ATP8A2: variants seen among roughly 807,000 people sequenced by gnomAD.
The protein encoded by ATP8A2 is phospholipid-transporting ATPase IB.
In ATP8A2, 100 loss-of-function variants were observed where a neutral mutation model predicts 165.6. The observed-to-expected ratio is 0.60, with a 90% CI of 0.51 to 0.71. ATP8A2 has a LOEUF of 0.71. ATP8A2 is among the 30% of genes least tolerant of loss of function. ATP8A2 has a pLI of 0.00. For synonymous variants in ATP8A2, 543 were observed against 548.8 expected (o/e 0.99, Z 0.15); for missense variants, 1,227 against 1,479.5 (o/e 0.83, Z 2.80).
intron 1 of ATP8A2, among the ~76,000 whole-genome samples, chr13:25,436,067 CT>C (rs558553129): frequency 0.032 from 4,601 of 142,076 alleles, 89 homozygotes; most frequent in African/African-American, 0.049. Flanking sequence ...AAAGCTTCAT[CT>C]TTTTTTTTTT....
intron 24 of ATP8A2, among the ~76,000 whole-genome samples, chr13:25,673,500 T>C (rs1179916096): frequency 2.6e-5 from 4 of 152,224 alleles, no homozygotes; most frequent in Non-Finnish European, 4.4e-5. Context: ...GTCAAACATA[T>C]TTTAACAAAT....
chr13:25,698,194 C>T (rs954146563), intron 24 of ATP8A2, among the ~76,000 whole-genome samples: 2 of 150,446 alleles, frequency 1.3e-5, no homozygotes, highest in Non-Finnish European at 2.9e-5. Context: ...TGTTCATAGT[C>T]ATAAATTCAC....
intron 2 of ATP8A2, among the ~76,000 whole-genome samples, chr13:25,480,207 C>T (rs1239850517): frequency 1.3e-5 from 2 of 150,236 alleles, no homozygotes; most frequent in African/African-American, 2.5e-5. Context: ...AGTGGCTGGC[C>T]GGGCAGAGGG....
chr13:25,569,899 T>G (rs1028882033), intron 16 of ATP8A2, among the ~76,000 whole-genome samples: 1 of 152,160 alleles, frequency 6.6e-6, no homozygotes, highest in African/African-American at 2.4e-5. Context: ...CTGAAATAAT[T>G]TTTGAGCAAA....
Position 25,983,649 on chromosome 13 carries a change from C to T in ATP8A2, c.3377+14970C>T, listed in dbSNP as rs182673505. 2.2e-3 allele frequency among the ~76,000 whole-genome samples: 335 copies of T among 152,236 alleles called. 1 individual carries two copies. Among genetic ancestry groups the T allele is most frequent in the Non-Finnish European group, 3.1e-3 (210 of 68,030 alleles). ...TTCTGAGAACTTTCCAGGCATGGTT[C>T]CTTTCTTGTAGTTGTGAACTTAAAG... is the stretch of plus-strand genomic sequence containing the variant. On this transcript the variant is annotated intron_variant, in intron 35 of 36. Transcript: ENST00000381655.
At chr13:25,487,114 A>G (rs1010478681) in intron 2 of ATP8A2, among the ~76,000 whole-genome samples, 4 of 152,160 alleles carry the variant, frequency 2.6e-5, no homozygotes, top group Non-Finnish European at 5.9e-5. Flanking sequence ...CCTTTTTGCC[A>G]AGGTTTATGT....
chr13:25,435,322 T>C (rs929427343), intron 1 of ATP8A2, among the ~76,000 whole-genome samples: 2 of 152,038 alleles, frequency 1.3e-5, no homozygotes, highest in Non-Finnish European at 2.9e-5. Flanking sequence ...GGTTTCACCA[T>C]GTTGGTCAGG....
chr13:25,949,831 G>A (rs779093652), intron 33 of ATP8A2, among the ~76,000 whole-genome samples: 1 of 152,070 alleles, frequency 6.6e-6, no homozygotes, highest in Non-Finnish European at 1.5e-5. Context: ...ACAGGGTCTC[G>A]CTCTGTCACC....
At chr13:25,837,068 T>C (rs1951632026) in intron 28 of ATP8A2, 95 bp from the exon 29 acceptor site, 1 of 1,495,950 alleles carries the variant, frequency 6.7e-7, no homozygotes, top group Non-Finnish European at 9.0e-7. Flanking sequence ...AGGTTTGGAC[T>C]TGACTGGAAG....
At chr13:25,966,525 A>T (rs1327135765) in intron 34 of ATP8A2, among the ~76,000 whole-genome samples, 1 of 152,234 alleles carries the variant, frequency 6.6e-6, no homozygotes, top group African/African-American at 2.4e-5. Context: ...TGTTAAATGC[A>T]TGCAGAAAGA....
chr13:25,573,370 G>A (rs911871722), intron 18 of ATP8A2, among the ~76,000 whole-genome samples: 5 of 152,012 alleles, frequency 3.3e-5, no homozygotes, highest in African/African-American at 1.2e-4. Flanking sequence ...ATGCTGCATT[G>A]ACACCTCTTT....
At chr13:25,725,309 G>C (rs1229222839) in intron 25 of ATP8A2, among the ~76,000 whole-genome samples, 1 of 152,238 alleles carries the variant, frequency 6.6e-6, no homozygotes, top group Admixed American at 6.5e-5. Context: ...GGCAAAGCCT[G>C]AGTGAGGCGC....
At chr13:25,651,839 A>G (rs999176545) in intron 24 of ATP8A2, among the ~76,000 whole-genome samples, 1 of 152,114 alleles carries the variant, frequency 6.6e-6, no homozygotes, top group African/African-American at 2.4e-5. Context: ...CTTGGTTATA[A>G]ATAATTATCT....
intron 1 of ATP8A2, among the ~76,000 whole-genome samples, chr13:25,386,018 C>T (rs561104560): frequency 1.5e-4 from 22 of 151,620 alleles, no homozygotes; most frequent in Non-Finnish European, 2.1e-4. Context: ...TGGGTTCTAG[C>T]GATTCTCCTG....
At chr13:25,456,229 T>G (rs2035360653) in intron 1 of ATP8A2, among the ~76,000 whole-genome samples, 1 of 152,240 alleles carries the variant, frequency 6.6e-6, no homozygotes, top group South Asian at 2.1e-4. Context: ...TTTCCCCAGC[T>G]GGAAGTACTC....
At chr13:25,790,568 G>A (rs1347050310) in intron 27 of ATP8A2, among the ~76,000 whole-genome samples, 1 of 151,552 alleles carries the variant, frequency 6.6e-6, no homozygotes, top group Non-Finnish European at 1.5e-5. Flanking sequence ...GGTGGTGCAT[G>A]CCCATAGTCC....
intron 24 of ATP8A2, chr13:25,591,287 G>C: frequency 2.2e-6 from 1 of 456,524 alleles, no homozygotes; most frequent in South Asian, 1.5e-5. Context: ...AAAATTCTGT[G>C]CCCCTTTGAA....
At chr13:25,667,068 AACC>A (rs1185290836) in intron 24 of ATP8A2, among the ~76,000 whole-genome samples, 1 of 152,206 alleles carries the variant, frequency 6.6e-6, no homozygotes, top group Admixed American at 6.5e-5. Flanking sequence ...CATGTTTTGC[AACC>A]ACCACCTCTG....
rs1002691803 is a variant in ATP8A2, at chr13:25,750,754, T to C, written c.2385-18292T>C. Among the ~76,000 whole-genome samples, 1 of 152,178 alleles carries C rather than the reference T, an allele frequency of 6.6e-6. No homozygotes were observed. Among genetic ancestry groups the C allele is most frequent in the African/African-American group, 2.4e-5 (1 of 41,440 alleles). On this transcript the variant is annotated intron_variant, in intron 25 of 36. Transcript: ENST00000381655. The surrounding 1 kb of genome is among the most constrained non-coding windows in gnomAD (Gnocchi z 4.3). ...AAAAAGCTTGCGAAGAAAAGTCCTCTTCTGCTCGATGTATACAAAACTTCT... is the reference window on the plus strand; with the variant it reads ...AAAAAGCTTGCGAAGAAAAGTCCTCCTCTGCTCGATGTATACAAAACTTCT...
Sources: allele counts gnomAD v4.1 joint callset (sites outside exome capture counted in the v4.1 genomes callset), GRCh38; gene constraint gnomAD v4.1.1; non-coding constraint Gnocchi (gnomAD v3.1); transcripts MANE v1.5; gene names NCBI Gene and HGNC (gene_info 2026-07-23, HGNC 2026-07-21).